Variants in DSCAM observed in about 807,000 individuals in gnomAD.
DSCAM encodes cell adhesion molecule DSCAM.
In DSCAM, 47 loss-of-function variants were observed where a neutral mutation model predicts 217.7. That is an observed-to-expected ratio of 0.22 (90% CI 0.17 to 0.28). DSCAM has a LOEUF of 0.28. DSCAM is among the 10% of genes least tolerant of loss of function. The pLI, the probability that DSCAM is intolerant of heterozygous loss-of-function variation, is 1.00. For missense variants in DSCAM, 2,080 were observed against 2,618.3 expected, an observed-to-expected ratio of 0.79 and a Z score of 4.49; for synonymous variants, 1,056 against 1,015.3, an observed-to-expected ratio of 1.04 and a Z score of -0.76.
intron 10 of DSCAM, among the ~76,000 whole-genome samples, 199 bp downstream of exon 10, chr21:40,295,856 C>G (rs73904769): frequency 0.031 from 4,794 of 152,260 alleles, 197 homozygotes; most frequent in African/African-American, 0.094. Context: ...ATGTTATGTA[C>G]AACAGACACG....
At chr21:40,541,139 A>G (rs915798168) in intron 3 of DSCAM, among the ~76,000 whole-genome samples, 2 of 152,192 alleles carry the variant, frequency 1.3e-5, no homozygotes, top group African/African-American at 4.8e-5. Flanking sequence ...ATGTCATTTT[A>G]CAGGCCATTG....
intron 3 of DSCAM, among the ~76,000 whole-genome samples, chr21:40,476,553 G>A (rs2145978250): frequency 6.6e-6 from 1 of 152,272 alleles, no homozygotes; most frequent in East Asian, 1.9e-4. Flanking sequence ...AACCTTATCA[G>A]CTAAAATGTT....
chr21:40,664,914 A>C (rs1004373387), intron 3 of DSCAM, among the ~76,000 whole-genome samples: 1 of 152,074 alleles, frequency 6.6e-6, no homozygotes, highest in African/African-American at 2.4e-5. Context: ...CTTGGTGATA[A>C]GTGAGTTCTC....
chr21:40,128,602 T>A (rs2090121021), intron 19 of DSCAM, among the ~76,000 whole-genome samples: 2 of 151,262 alleles, frequency 1.3e-5, no homozygotes, highest in African/African-American at 2.4e-5. Context: ...GAGACTTTCC[T>A]ATTGGTCCTG....
intron 29 of DSCAM, among the ~76,000 whole-genome samples, chr21:40,054,567 A>G (rs1298793147): frequency 6.6e-6 from 1 of 152,220 alleles, no homozygotes; most frequent in Non-Finnish European, 1.5e-5. Flanking sequence ...CCAGACCACA[A>G]GAAAGGGTTG....
In DSCAM at chr21:40,343,868, TTTTTA is replaced by T. The variant is rs1418882856; in HGVS notation, c.1210+3797_1210+3801del. Among the ~76,000 whole-genome samples, 11 of 150,600 alleles carry T rather than the reference TTTTTA, an allele frequency of 7.3e-5. No individual in the cohort carries two copies. In the South Asian group the frequency reaches 2.1e-3, roughly 28 times the overall value. On this transcript the variant is annotated intron_variant, in intron 6 of 32. Coordinates refer to ENST00000400454, the MANE Select transcript of DSCAM (RefSeq NM_001389.5). ...ATTATTTTATTTCATTTTATTTTATTTTTTATTTTATTATTTTATTTCATTTTATT... is the reference window on the plus strand; with the variant it reads ...ATTATTTTATTTCATTTTATTTTATTTTTTATTATTTTATTTCATTTTATT...
At chr21:40,453,040 T>TTGTGTGTGTG (rs3069917) in intron 3 of DSCAM, among the ~76,000 whole-genome samples, 1,709 of 134,356 alleles carry the variant, frequency 0.013, 22 homozygotes, top group East Asian at 0.043. Flanking sequence ...TTTAAAGACT[T>TTGTGTGTGTG]TGTGTGTGTG....
intron 3 of DSCAM, among the ~76,000 whole-genome samples, chr21:40,402,702 G>A (rs917264484): frequency 1.3e-4 from 19 of 150,160 alleles, no homozygotes; most frequent in African/African-American, 4.2e-4. Flanking sequence ...TTTATTGAGA[G>A]GAAGATTTAA....
chr21:40,730,938 C>A (rs987243994), intron 1 of DSCAM, among the ~76,000 whole-genome samples: 3 of 152,092 alleles, frequency 2.0e-5, no homozygotes, highest in Non-Finnish European at 2.9e-5. Context: ...AACCTATGAC[C>A]CCAAGTCACT....
intron 3 of DSCAM, among the ~76,000 whole-genome samples, chr21:40,586,271 T>C (rs1156269408): frequency 6.6e-6 from 1 of 152,218 alleles, no homozygotes; most frequent in Non-Finnish European, 1.5e-5. Flanking sequence ...GCTGGCACCA[T>C]GCTTCTTGTA....
intron 2 of DSCAM, among the ~76,000 whole-genome samples, chr21:40,697,592 C>A (rs1281889023): frequency 2.0e-5 from 3 of 152,120 alleles, no homozygotes; most frequent in East Asian, 1.9e-4. Flanking sequence ...AAAGAGCTTG[C>A]CCTTTCCTGA....
intron 3 of DSCAM, among the ~76,000 whole-genome samples, chr21:40,452,284 T>A (rs1030743924): frequency 2.3e-5 from 3 of 131,956 alleles, no homozygotes; most frequent in Non-Finnish European, 4.9e-5. Flanking sequence ...CCTGGAGGTA[T>A]CCTGGAAAAT....
chr21:40,695,327 C>T (rs1290920289), intron 2 of DSCAM, among the ~76,000 whole-genome samples: 1 of 152,182 alleles, frequency 6.6e-6, no homozygotes, highest in East Asian at 1.9e-4. Flanking sequence ...GGGGACATTC[C>T]CAGTGTTACC....
intron 2 of DSCAM, among the ~76,000 whole-genome samples, chr21:40,702,345 C>T (rs1282399184): frequency 1.3e-5 from 2 of 152,130 alleles, no homozygotes; most frequent in African/African-American, 4.8e-5. Flanking sequence ...AGCTTATTGT[C>T]ACAAATGTAT....
rs781577693 is a variant in DSCAM at position 40,189,248 on chromosome 21, C to A, written c.2357-10G>T. ...GTTATCATCGCAGGAACTGAAAAAG[C>A]AAAAGGGACACAACTTGTTCAGCAA... On this transcript the variant is annotated splice_polypyrimidine_tract_variant and intron_variant, in intron 11 of 32. Transcript: ENST00000400454. 2 of 1,555,748 alleles carry A rather than the reference C, an allele frequency of 1.3e-6. No individual in the cohort carries two copies. The highest frequency in any genetic ancestry group is 1.7e-4 in the Middle Eastern group (1 of 5,778).
intron 26 of DSCAM, among the ~76,000 whole-genome samples, chr21:40,077,281 A>G (rs77751606): frequency 0.018 from 2,810 of 152,260 alleles, 84 homozygotes; most frequent in African/African-American, 0.065. Flanking sequence ...AAGTGCCAGG[A>G]AGACCCTGGA....
chr21:40,550,087 C>T (rs554539586), intron 3 of DSCAM, among the ~76,000 whole-genome samples: 10 of 152,236 alleles, frequency 6.6e-5, no homozygotes, highest in Non-Finnish European at 1.0e-4. Context: ...AGGAAATGTC[C>T]GATATCACCC....
intron 3 of DSCAM, among the ~76,000 whole-genome samples, chr21:40,475,790 C>T (rs1419989687): frequency 6.6e-6 from 1 of 152,018 alleles, no homozygotes; most frequent in South Asian, 2.1e-4. Context: ...TAGATCGTGC[C>T]GTCGCACTCC....
At chr21:40,577,802 A>G (rs2076866342) in intron 3 of DSCAM, among the ~76,000 whole-genome samples, 1 of 152,224 alleles carries the variant, frequency 6.6e-6, no homozygotes, top group Non-Finnish European at 1.5e-5. Flanking sequence ...AAGGGCTTTA[A>G]GACTACTACA....
Sources: gnomAD v4.1 joint callset for allele counts (sites outside exome capture counted in the v4.1 genomes callset) on GRCh38, gnomAD v4.1.1 for gene constraint, MANE v1.5 for transcripts, NCBI Gene and HGNC (gene_info 2026-07-23, HGNC 2026-07-21) for gene names.